Variants in FGF3 observed in about 807,000 individuals in gnomAD.
FGF3 encodes FGF-3.
A neutral mutation model predicts 9.8 loss-of-function variants in FGF3; 7 were observed. That is an observed-to-expected ratio of 0.72 (90% CI 0.41 to 1.35). FGF3 has a LOEUF of 1.35. FGF3 is among the 40% of genes most tolerant of loss of function. The pLI is 0.01. For synonymous variants in FGF3, 173 were observed against 157.2 expected (o/e 1.10, Z -0.75); for missense variants, 390 against 345.6 (o/e 1.13, Z -1.02).
chr11:69,812,193 C>T (rs565463295), intron 2 of FGF3, among the ~76,000 whole-genome samples: 1 of 152,204 alleles, frequency 6.6e-6, no homozygotes, highest in South Asian at 2.1e-4. Context: ...AGGGAGGAGT[C>T]GGAGGCCCTC....
chr11:69,810,705 G>A lies in FGF3; in HGVS notation c.325-5C>T, dbSNP rs61749187. 0.032 allele frequency: 49,792 copies of A among 1,572,718 alleles called. 908 individuals are homozygous for A. The highest frequency in any genetic ancestry group is 0.036 in the Non-Finnish European group (41,219 of 1,155,778). Reference sequence around the variant, plus strand: ...GCACTCGGCGCTGTAGTGCTCCTGCGGGGATGAGATATCATGGTCAGTGCC... The same window carrying A: ...GCACTCGGCGCTGTAGTGCTCCTGCAGGGATGAGATATCATGGTCAGTGCC... On this transcript the variant is annotated splice_polypyrimidine_tract_variant and splice_region_variant and intron_variant, in intron 2 of 2. Coordinates refer to ENST00000334134, the MANE Select transcript of FGF3 (RefSeq NM_005247.4).
chr11:69,816,797 T>A (rs574331674), intron 1 of FGF3, among the ~76,000 whole-genome samples: 2 of 152,314 alleles, frequency 1.3e-5, no homozygotes, highest in African/African-American at 4.8e-5. Context: ...CCCCTGCACA[T>A]GTGCTTGAGC....
intron 2 of FGF3, among the ~76,000 whole-genome samples, chr11:69,813,572 A>G (rs74843226): frequency 4.6e-5 from 6 of 131,660 alleles, no homozygotes; most frequent in Non-Finnish European, 9.9e-5. Flanking sequence ...GGATGGGTGG[A>G]TGGATGGATG....
chr11:69,813,663 G>A (rs1263231587), intron 2 of FGF3, among the ~76,000 whole-genome samples: 1 of 132,094 alleles, frequency 7.6e-6, no homozygotes, highest in Admixed American at 7.3e-5. Context: ...TGGATGGATG[G>A]GTGGATGGCT....
rs1240038675 is a variant in FGF3 at position 69,819,150 on chromosome 11, C to A, written c.-217G>T. 2.5e-6 allele frequency: 1 copy of A among 402,688 alleles called. No individual in the cohort carries two copies. The highest frequency in any genetic ancestry group is 7.0e-5 in the South Asian group (1 of 14,306). 24.9% of individuals were successfully genotyped at this position (402,688 alleles called of 1,614,324 possible). A position where few individuals can be genotyped will look rare whatever the true frequency, so the allele number is the denominator to read the frequency against. On this transcript the variant is annotated 5_prime_UTR_variant, in exon 1 of 3. Coordinates refer to ENST00000334134, the MANE Select transcript of FGF3 (RefSeq NM_005247.4). The stretch of plus-strand genomic sequence containing the variant: ...GGGAGAGGGAGAGGGAGAGAGGGAA[C>A]GCGAGTCCCTTTAATTTCCACCCAG...
chr11:69,811,925 T>C (rs1893049), intron 2 of FGF3, among the ~76,000 whole-genome samples: 74,293 of 151,678 alleles, frequency 0.49, 18,398 homozygotes, highest in East Asian at 0.62. Context: ...TCCCCAAGAC[T>C]TGGCCGTGGG....
At chr11:69,811,732 G>A (rs1554980485) in intron 2 of FGF3, among the ~76,000 whole-genome samples, 1 of 152,194 alleles carries the variant, frequency 6.6e-6, no homozygotes. Flanking sequence ...AGATACTGCT[G>A]TTCTTAGGAT....
At chr11:69,813,591 G>A in intron 2 of FGF3, among the ~76,000 whole-genome samples, 1 of 73,098 alleles carries the variant, frequency 1.4e-5, no homozygotes, top group Non-Finnish European at 3.0e-5. Context: ...TGGATAGATG[G>A]GTGGGTGGAT....
intron 1 of FGF3, among the ~76,000 whole-genome samples, chr11:69,816,810 G>A (rs1856141365): frequency 6.6e-6 from 1 of 152,218 alleles, no homozygotes; most frequent in South Asian, 2.1e-4. Context: ...GCTTGAGCGG[G>A]AAATCAAGCC....
intron 1 of FGF3, 105 bp from the exon 2 acceptor site, chr11:69,816,528 G>A (rs578103049): frequency 1.2e-6 from 1 of 815,994 alleles, no homozygotes; most frequent in African/African-American, 1.7e-5. Flanking sequence ...GGGCTGGGGA[G>A]GGTAGCACAC....
intron 2 of FGF3, among the ~76,000 whole-genome samples, chr11:69,811,570 A>C (rs1287341688): frequency 1.3e-5 from 2 of 152,178 alleles, no homozygotes; most frequent in Non-Finnish European, 2.9e-5. Flanking sequence ...CAGACTCTCC[A>C]TTAAACGCTG....
intron 2 of FGF3, among the ~76,000 whole-genome samples, chr11:69,812,479 A>G (rs1473477549): frequency 1.3e-5 from 2 of 152,256 alleles, no homozygotes; most frequent in African/African-American, 4.8e-5. Context: ...CCTGGGCCAC[A>G]GTCTGGATGT....
rs1554980286 is a variant in FGF3 at position 69,810,314 on chromosome 11, A to G, written c.711T>C (p.Ser237=). Reference sequence around the variant, plus strand: ...TGGCCACCAGGCCCAGCTAGTGCGCACTGGCCTCCAGCTGGGAGCCCAGTC... The same window carrying G: ...TGGCCACCAGGCCCAGCTAGTGCGCGCTGGCCTCCAGCTGGGAGCCCAGTC... ...ASRLGSQLEA[S]AH Residue 237 remains serine (S), a synonymous_variant, in exon 3 of 3, where the codon AGT becomes AGC. Transcript: ENST00000334134. 9 of 1,565,036 alleles carry G rather than the reference A, an allele frequency of 5.8e-6. No individual in the cohort carries two copies. The Admixed American group carries it at 1.1e-4, about 19-fold the overall frequency.
Position 69,818,804 on chromosome 11 carries a change from G to T in FGF3, c.130C>A (p.Arg44=). ...GVYEHLGGAP[R]RRKLYCATKY... ...GTGGCGCAGTAGAGCTTGCGGCGCCGGGGCGCCCCGCCAAGGTGCTCGTAG... is the reference window on the plus strand; with the variant it reads ...GTGGCGCAGTAGAGCTTGCGGCGCCTGGGCGCCCCGCCAAGGTGCTCGTAG... The change falls in exon 1 of 3, where the codon CGG becomes AGG. Residue 44 remains arginine (R), a synonymous_variant. Coordinates refer to ENST00000334134, the MANE Select transcript of FGF3 (RefSeq NM_005247.4). The T allele has an allele frequency of 1.3e-6, 2 of 1,491,286 alleles. No individual in the cohort carries two copies. The highest frequency in any genetic ancestry group is 2.2e-5 in the Admixed American group (1 of 45,340). The allele number at this position is 1,491,286 out of a possible 1,614,324, so 92.4% of individuals were successfully genotyped here.
chr11:69,817,289 G>A (rs1055089716), intron 1 of FGF3, among the ~76,000 whole-genome samples: 1 of 152,038 alleles, frequency 6.6e-6, no homozygotes, highest in African/African-American at 2.4e-5. Context: ...CGCGGTCCGA[G>A]CACAGACGCG....
chr11:69,810,532 T>C lies in FGF3; in HGVS notation c.493A>G (p.Arg165Gly). ...VSVNGKGRPR[R>G]GFKTRRTQKS... ...TGTGTGCGGCGGGTCTTGAAGCCCC[T>C]GCGGGGCCGGCCCTTGCCGTTCACA... The change falls in exon 3 of 3, where the codon AGG (arginine) becomes GGG (glycine). Residue 165 changes from arginine (R) to glycine (G), a missense_variant. Physicochemically the swap from Arg to Gly is moderately radical, Grantham distance 125. Coordinates refer to ENST00000334134, the MANE Select transcript of FGF3 (RefSeq NM_005247.4). 1 of 1,611,198 alleles carries C rather than the reference T, an allele frequency of 6.2e-7. No homozygotes were observed. Among genetic ancestry groups the C allele is most frequent in the Non-Finnish European group, 8.5e-7 (1 of 1,178,928 alleles).
intron 1 of FGF3, chr11:69,817,645 G>T (rs1856157994): frequency 1.3e-5 from 2 of 152,264 alleles, no homozygotes; most frequent in African/African-American, 2.4e-5. Context: ...CCCTCTCAGG[G>T]CTGCGGCTTT....
At position 69,818,993 on chromosome 11, in the gene FGF3, A is replaced by G. The variant is rs1856193232; in HGVS notation, c.-60T>C. 6.0e-6 allele frequency: 7 copies of G among 1,175,270 alleles called. No homozygotes were observed. Among genetic ancestry groups the G allele is most frequent in the African/African-American group, 1.6e-5 (1 of 61,110 alleles). The allele number at this position is 1,175,270 out of a possible 1,614,324, so 72.8% of individuals were successfully genotyped here. A position where few individuals can be genotyped will look rare whatever the true frequency, so the allele number is the denominator to read the frequency against. The stretch of plus-strand genomic sequence containing the variant: ...TGCAGGCGAGCGCGGCGCCCATGGA[A>G]GGGGCGGCAGCCGGACAGCTGCGAG... On this transcript the variant is annotated 5_prime_UTR_variant, in exon 1 of 3. Coordinates refer to ENST00000334134, the MANE Select transcript of FGF3 (RefSeq NM_005247.4).
chr11:69,818,990 G>A lies in FGF3; in HGVS notation c.-57C>T. The A allele has an allele frequency of 8.3e-7, 1 of 1,204,074 alleles. No individual in the cohort carries two copies. The highest frequency in any genetic ancestry group is 3.1e-5 in the East Asian group (1 of 32,500). 74.6% of individuals were successfully genotyped at this position (1,204,074 alleles called of 1,614,324 possible). A position where few individuals can be genotyped will look rare whatever the true frequency, so the allele number is the denominator to read the frequency against. On this transcript the variant is annotated 5_prime_UTR_variant, in exon 1 of 3. Transcript: ENST00000334134. ...GGCTGCAGGCGAGCGCGGCGCCCAT[G>A]GAAGGGGCGGCAGCCGGACAGCTGC...
Sources: gnomAD v4.1 joint callset for allele counts (sites outside exome capture counted in the v4.1 genomes callset) on GRCh38, gnomAD v4.1.1 for gene constraint, MANE v1.5 for transcripts, NCBI Gene and HGNC (gene_info 2026-07-23, HGNC 2026-07-21) for gene names.